The following SYT9 variants were observed in gnomAD, a reference collection of about 807,000 sequenced individuals.
The protein encoded by SYT9 is synaptotagmin-9.
Under a neutral mutation model 48.4 loss-of-function variants are expected in SYT9, and 22 were observed. The observed-to-expected ratio is 0.45, with a 90% CI of 0.32 to 0.65. The LOEUF (loss-of-function observed/expected upper bound fraction) is 0.65, where lower values mean the gene tolerates loss of function less well. Ranked by LOEUF, SYT9 falls within the 30% of genes least tolerant of loss-of-function variation. The pLI is 0.03. For missense variants in SYT9, 577 were observed against 622.0 expected (o/e 0.93, Z 0.77); for synonymous variants, 265 against 245.0 (o/e 1.08, Z -0.76).
rs117674102 is a variant in SYT9, at chr11:7,410,449, C to T, written c.1045-5593C>T. Among the ~76,000 whole-genome samples the T allele has an allele frequency of 2.1e-3, 324 of 152,176 alleles. 13 individuals carry two copies. In the East Asian group the frequency reaches 0.052, roughly 24 times the overall value. ...GCTGAAAGTGGGGTGTTGAATTTCCCCAATATTATTTTATGGGAGTCTGTC... is the reference window on the plus strand; with the variant it reads ...GCTGAAAGTGGGGTGTTGAATTTCCTCAATATTATTTTATGGGAGTCTGTC... On this transcript the variant is annotated intron_variant, in intron 3 of 6. Transcript: ENST00000318881.
intron 6 of SYT9, among the ~76,000 whole-genome samples, chr11:7,433,918 C>CA (rs1197009599): frequency 1.3e-5 from 2 of 152,120 alleles, no homozygotes; most frequent in Admixed American, 1.3e-4. Flanking sequence ...AGAATCACAT[C>CA]AAAAAATAAG....
Position 7,407,396 on chromosome 11 carries a change from C to T in SYT9, c.1045-8646C>T, listed in dbSNP as rs1590004262. On this transcript the variant is annotated intron_variant, in intron 3 of 6. Transcript: ENST00000318881. The stretch of plus-strand genomic sequence containing the variant: ...TTTTTTTTTTTTTTTTTTTTTGAGA[C>T]GGAGTCTCGCTCTGTCGCCCAGGCC... 1.6e-4 allele frequency among the ~76,000 whole-genome samples: 5 copies of T among 31,216 alleles called. 2 individuals carry two copies. The highest frequency in any genetic ancestry group is 9.8e-4 in the East Asian group (2 of 2,040). 20.5% of individuals were successfully genotyped at this position (31,216 alleles called of 152,430 possible).
At chr11:7,254,290 T>C (rs1048321820) in intron 1 of SYT9, among the ~76,000 whole-genome samples, 1 of 152,144 alleles carries the variant, frequency 6.6e-6, no homozygotes, top group Non-Finnish European at 1.5e-5. Context: ...TTGGTTTTTG[T>C]TGGAAAGTAG....
intron 1 of SYT9, among the ~76,000 whole-genome samples, chr11:7,292,523 C>T (rs1848712806): frequency 6.6e-6 from 1 of 152,206 alleles, no homozygotes; most frequent in Admixed American, 6.5e-5. Flanking sequence ...TTTCCTGAAT[C>T]CCATTCCCCT....
intron 6 of SYT9, chr11:7,457,823 C>G (rs1415439482): frequency 6.6e-6 from 1 of 152,156 alleles, no homozygotes; most frequent in Non-Finnish European, 1.5e-5. Context: ...GTTGGGAAAC[C>G]CATGACCATT....
intron 1 of SYT9, among the ~76,000 whole-genome samples, chr11:7,246,821 G>C (rs2119731521): frequency 6.6e-6 from 1 of 152,318 alleles, no homozygotes; most frequent in East Asian, 1.9e-4. Context: ...AAGTTCGAGA[G>C]GTCCATGGCC....
chr11:7,285,310 C>T (rs1422809436), intron 1 of SYT9, among the ~76,000 whole-genome samples: 9 of 152,274 alleles, frequency 5.9e-5, no homozygotes, highest in African/African-American at 1.7e-4. Context: ...GGGAAGCAAA[C>T]GTGTCCTTCT....
chr11:7,293,396 A>T (rs1246744761), intron 1 of SYT9, among the ~76,000 whole-genome samples: 1 of 152,206 alleles, frequency 6.6e-6, no homozygotes, highest in African/African-American at 2.4e-5. Flanking sequence ...TGTCTTAAAA[A>T]TGGTATGGCC....
intron 3 of SYT9, among the ~76,000 whole-genome samples, chr11:7,399,180 A>G (rs985882909): frequency 5.9e-5 from 9 of 152,234 alleles, no homozygotes; most frequent in Admixed American, 1.3e-4. Context: ...GGATGATCAT[A>G]TAAGTATGAA....
intron 3 of SYT9, among the ~76,000 whole-genome samples, chr11:7,406,781 A>G (rs1847023707): frequency 6.6e-6 from 1 of 152,108 alleles, no homozygotes. Flanking sequence ...GTTGTTTTCC[A>G]TAGTGGTTGT....
In SYT9 at chr11:7,256,283, T is replaced by A. The variant is rs1326027808; in HGVS notation, c.145+3952T>A. Among the ~76,000 whole-genome samples the A allele has an allele frequency of 2.6e-5, 4 of 152,228 alleles. No homozygotes were observed. In the South Asian group the frequency reaches 8.3e-4, roughly 32 times the overall value. The stretch of plus-strand genomic sequence containing the variant: ...TCCTCACAAGTCTTTTAAGCACTTA[T>A]CTGTGTTCCAGCAGCAGCAGCAGCT... On this transcript the variant is annotated intron_variant, in intron 1 of 6. Transcript: ENST00000318881.
intron 3 of SYT9, among the ~76,000 whole-genome samples, chr11:7,413,079 G>T (rs1190746707): frequency 6.6e-6 from 1 of 152,178 alleles, no homozygotes; most frequent in Non-Finnish European, 1.5e-5. Flanking sequence ...GCAGTCAGCA[G>T]AATGCTCAGG....
intron 3 of SYT9, among the ~76,000 whole-genome samples, chr11:7,382,346 A>C (rs906996540): frequency 3.3e-5 from 5 of 152,194 alleles, no homozygotes; most frequent in African/African-American, 1.2e-4. Flanking sequence ...CATGACTTGC[A>C]GATGTGGGAA....
At chr11:7,269,220 G>C (rs924193665) in intron 1 of SYT9, among the ~76,000 whole-genome samples, 1 of 151,876 alleles carries the variant, frequency 6.6e-6, no homozygotes, top group African/African-American at 2.4e-5. Flanking sequence ...CAGTTGGGGG[G>C]GTGGGAAATG....
intron 1 of SYT9, among the ~76,000 whole-genome samples, chr11:7,278,585 G>C (rs529887202): frequency 1.2e-3 from 190 of 152,194 alleles, no homozygotes; most frequent in Middle Eastern, 3.4e-3. Flanking sequence ...GTTTAAAGAG[G>C]GTGGTTCTTT....
chr11:7,432,408 A>G (rs56028928), intron 6 of SYT9, among the ~76,000 whole-genome samples: 55,988 of 150,962 alleles, frequency 0.37, 10,555 homozygotes, highest in Middle Eastern at 0.47. Flanking sequence ...TTAGCTGGGC[A>G]TGGTGGCAGG....
intron 1 of SYT9, among the ~76,000 whole-genome samples, chr11:7,241,017 T>C (rs11041273): frequency 0.13 from 19,176 of 152,154 alleles, 1,296 homozygotes; most frequent in Admixed American, 0.18. Context: ...CTAATTCTAC[T>C]TGGAAAGAAA....
In SYT9 at chr11:7,402,409, A is replaced by G. The variant is rs371736392; in HGVS notation, c.1045-13633A>G. Among the ~76,000 whole-genome samples, 29 of 152,224 alleles carry G rather than the reference A, an allele frequency of 1.9e-4. No homozygotes were observed. In the East Asian group the frequency reaches 5.0e-3, roughly 26 times the overall value. On this transcript the variant is annotated intron_variant, in intron 3 of 6. Transcript: ENST00000318881. Reference sequence around the variant, plus strand: ...TCTTCTCTTTTCGTATGTTCAGTCAATTACTACTAATAGAGCAGTGTTTAA... The same window carrying G: ...TCTTCTCTTTTCGTATGTTCAGTCAGTTACTACTAATAGAGCAGTGTTTAA...
In SYT9 at chr11:7,452,931, C is replaced by T. The variant is rs570702928; in HGVS notation, c.1468-13861C>T. On this transcript the variant is annotated intron_variant, in intron 6 of 6. Transcript: ENST00000318881. Reference sequence around the variant, plus strand: ...CCGAGTAGCTGGGATTACAGTCATGCACCACCACGCCCAGCTAATTTTGTA... The same window carrying T: ...CCGAGTAGCTGGGATTACAGTCATGTACCACCACGCCCAGCTAATTTTGTA... Among the ~76,000 whole-genome samples, 483 of 152,130 alleles carry T rather than the reference C, an allele frequency of 3.2e-3. 2 individuals are homozygous for T. Among genetic ancestry groups the T allele is most frequent in the African/African-American group, 0.011 (454 of 41,544 alleles).
Sources: allele counts gnomAD v4.1 joint callset (sites outside exome capture counted in the v4.1 genomes callset), GRCh38; gene constraint gnomAD v4.1.1; transcripts MANE v1.5; gene names NCBI Gene and HGNC (gene_info 2026-07-23, HGNC 2026-07-21).